EXT1: variants seen among roughly 807,000 people sequenced by gnomAD.
EXT1 encodes the protein exostosin glycosyltransferase 1.
A neutral mutation model predicts 82.5 loss-of-function variants in EXT1; 20 were observed. The observed-to-expected ratio is 0.24, with a 90% CI of 0.17 to 0.35. The LOEUF is 0.35. Among genes scored for constraint, EXT1 ranks in the 10% least tolerant of loss-of-function variants. EXT1 has a pLI of 1.00. For synonymous variants in EXT1, 348 were observed against 350.8 expected (o/e 0.99, Z 0.09); for missense variants, 757 against 936.5 (o/e 0.81, Z 2.50).
chr8:117,855,028 A>G (rs568524047), intron 1 of EXT1, among the ~76,000 whole-genome samples: 15 of 152,342 alleles, frequency 9.8e-5, no homozygotes, highest in African/African-American at 3.6e-4. Context: ...TGCAGAACTT[A>G]TATGTATGCT....
At chr8:118,047,594 T>C (rs188494008) in intron 1 of EXT1, among the ~76,000 whole-genome samples, 175 of 152,242 alleles carry the variant, frequency 1.1e-3, no homozygotes, top group African/African-American at 4.0e-3. Flanking sequence ...TTCCCATCCA[T>C]ACATCTCACT....
chr8:117,843,631 C>T (rs1812307142), intron 1 of EXT1, among the ~76,000 whole-genome samples: 1 of 152,138 alleles, frequency 6.6e-6, no homozygotes, highest in African/African-American at 2.4e-5. Flanking sequence ...TCTATGACAT[C>T]TCCTAGAGCT....
At chr8:117,875,026 T>C (rs536707189) in intron 1 of EXT1, among the ~76,000 whole-genome samples, 4 of 152,190 alleles carry the variant, frequency 2.6e-5, no homozygotes, top group Non-Finnish European at 4.4e-5. Context: ...TTTCTATGGA[T>C]TAGACGTTAA....
chr8:118,045,481 T>C (rs1422134369), intron 1 of EXT1, among the ~76,000 whole-genome samples: 18 of 152,146 alleles, frequency 1.2e-4, no homozygotes, highest in African/African-American at 3.9e-4. Context: ...CATCCCCAAA[T>C]GTGCAATCTG....
intron 1 of EXT1, among the ~76,000 whole-genome samples, chr8:117,882,326 G>T (rs539713633): frequency 6.6e-6 from 1 of 152,028 alleles, no homozygotes; most frequent in African/African-American, 2.4e-5. Context: ...CAAGTGATCC[G>T]CCCGCCTTGG....
In EXT1 at chr8:117,881,366, A is replaced by G. The variant is rs146553219; in HGVS notation, c.963-44165T>C. 4.3e-4 allele frequency among the ~76,000 whole-genome samples: 65 copies of G among 152,304 alleles called. 1 individual carries two copies. The East Asian group carries it at 0.011, about 26-fold the overall frequency. On this transcript the variant is annotated intron_variant, in intron 1 of 10. Coordinates refer to ENST00000378204, the MANE Select transcript of EXT1 (RefSeq NM_000127.3). ...TTATTACAGTATCCACAGCTCCTGG[A>G]GCAATGCCTGACTCATTTAGGAGGG...
At chr8:117,986,437 T>C (rs1011342821) in intron 1 of EXT1, among the ~76,000 whole-genome samples, 1 of 152,162 alleles carries the variant, frequency 6.6e-6, no homozygotes, top group Non-Finnish European at 1.5e-5. Context: ...TCTTGAGTGA[T>C]CCACCCGCCT....
At chr8:118,064,938 T>C (rs2451158) in intron 1 of EXT1, among the ~76,000 whole-genome samples, 49,721 of 149,976 alleles carry the variant, frequency 0.33, 10,051 homozygotes, top group African/African-American at 0.55. Flanking sequence ...CTGCAACCTC[T>C]GCCTCCCAGA....
At chr8:117,875,263 A>T (rs544001246) in intron 1 of EXT1, among the ~76,000 whole-genome samples, 21 of 151,412 alleles carry the variant, frequency 1.4e-4, no homozygotes, top group African/African-American at 4.4e-4. Context: ...CTAAAAATAT[A>T]AAAAAAAATT....
intron 1 of EXT1, among the ~76,000 whole-genome samples, chr8:117,860,464 G>A (rs913706993): frequency 5.9e-5 from 9 of 152,176 alleles, no homozygotes; most frequent in African/African-American, 1.7e-4. Context: ...TATGCAGTAT[G>A]TCCATGTCAG....
chr8:117,952,625 A>G (rs547776707), intron 1 of EXT1, among the ~76,000 whole-genome samples: 30 of 152,152 alleles, frequency 2.0e-4, no homozygotes, highest in Non-Finnish European at 4.0e-4. Context: ...AGCTGGGTGT[A>G]GTAGTTCATG....
At chr8:117,843,489 T>C (rs994476401) in intron 1 of EXT1, among the ~76,000 whole-genome samples, 1 of 151,922 alleles carries the variant, frequency 6.6e-6, no homozygotes, top group Non-Finnish European at 1.5e-5. Flanking sequence ...GAGGAGGTGA[T>C]GGGAATTCCT....
intron 1 of EXT1, among the ~76,000 whole-genome samples, chr8:118,058,778 A>T (rs1816835095): frequency 6.6e-6 from 1 of 152,254 alleles, no homozygotes; most frequent in South Asian, 2.1e-4. Context: ...ATCTACAGAA[A>T]AATATTAATA....
At chr8:117,997,952 C>G (rs1050486299) in intron 1 of EXT1, among the ~76,000 whole-genome samples, 2 of 151,440 alleles carry the variant, frequency 1.3e-5, no homozygotes, top group African/African-American at 4.9e-5. Context: ...AAGGATCTAT[C>G]TTCTTTGAGA....
At chr8:117,829,319 T>G (rs946259931) in intron 4 of EXT1, among the ~76,000 whole-genome samples, 5 of 152,102 alleles carry the variant, frequency 3.3e-5, no homozygotes, top group Non-Finnish European at 5.9e-5. Flanking sequence ...AAAAAGCAAC[T>G]TGAGGACGGG....
chr8:117,866,793 C>CAAAAAA (rs10709657), intron 1 of EXT1, among the ~76,000 whole-genome samples: 2 of 91,822 alleles, frequency 2.2e-5, no homozygotes, highest in Admixed American at 1.2e-4. Context: ...CTGGCCTACC[C>CAAAAAA]AAAAAAAAAA....
At chr8:117,914,710 T>C (rs1813713778) in intron 1 of EXT1, among the ~76,000 whole-genome samples, 1 of 152,136 alleles carries the variant, frequency 6.6e-6, no homozygotes, top group East Asian at 1.9e-4. Flanking sequence ...TCAGACTTAC[T>C]AGGGTGGGGA....
intron 1 of EXT1, among the ~76,000 whole-genome samples, chr8:117,918,964 C>A (rs200822960): frequency 1.3e-5 from 2 of 149,246 alleles, no homozygotes. Context: ...ATTCCTGAGG[C>A]AAAAAAAAAA....
At chr8:118,106,449 G>A (rs1324928264) in intron 1 of EXT1, among the ~76,000 whole-genome samples, 1 of 152,234 alleles carries the variant, frequency 6.6e-6, no homozygotes, top group Non-Finnish European at 1.5e-5. Context: ...AAATCAGGAT[G>A]TTGGAAGCTG....
Sources: gnomAD v4.1 joint callset for allele counts (sites outside exome capture counted in the v4.1 genomes callset) on GRCh38, gnomAD v4.1.1 for gene constraint, MANE v1.5 for transcripts, NCBI Gene and HGNC (gene_info 2026-07-23, HGNC 2026-07-21) for gene names.